The following CNTLN variants were observed in gnomAD, a reference collection of about 807,000 sequenced individuals.
CNTLN encodes centlein, also known as centlein, centrosomal protein.
CNTLN carries 212 observed loss-of-function variants against 180.0 expected under a neutral mutation model. That is an observed-to-expected ratio of 1.18 (90% CI 1.05 to 1.32). The LOEUF is 1.32. Ranked by LOEUF, CNTLN falls within the 40% of genes most tolerant of loss-of-function variation. The pLI is 0.00. For synonymous variants in CNTLN, 722 were observed against 563.1 expected (o/e 1.28, Z -3.99); for missense variants, 2,095 against 1,610.9 (o/e 1.30, Z -5.14).
chr9:17,205,992 T>C (rs571487744), intron 2 of CNTLN, among the ~76,000 whole-genome samples: 1 of 150,658 alleles, frequency 6.6e-6, no homozygotes, highest in East Asian at 2.0e-4. Context: ...ATAACCTGTC[T>C]GCTAGTAATA....
intron 2 of CNTLN, among the ~76,000 whole-genome samples, chr9:17,197,442 C>G (rs540980116): frequency 3.9e-5 from 6 of 152,064 alleles, no homozygotes; most frequent in Non-Finnish European, 8.8e-5. Context: ...TTCTAGGGTA[C>G]ATGTGCACAG....
chr9:17,375,365 G>A (rs1824671604), intron 13 of CNTLN, among the ~76,000 whole-genome samples: 1 of 152,074 alleles, frequency 6.6e-6, no homozygotes, highest in Non-Finnish European at 1.5e-5. Flanking sequence ...AGCATGACAG[G>A]GTGACTATTA....
chr9:17,259,831 T>G (rs1390295776), intron 5 of CNTLN, among the ~76,000 whole-genome samples: 4 of 142,048 alleles, frequency 2.8e-5, no homozygotes, highest in Non-Finnish European at 6.0e-5. Flanking sequence ...ATCCCCTTTA[T>G]CATTTTTTAT....
chr9:17,272,074 C>A, intron 5 of CNTLN, among the ~76,000 whole-genome samples: 1 of 129,406 alleles, frequency 7.7e-6, no homozygotes, highest in Non-Finnish European at 1.6e-5. Context: ...TCCTTTCTGT[C>A]CTTTCTTTCC....
chr9:17,416,403 A>G (rs564416379), intron 18 of CNTLN, among the ~76,000 whole-genome samples: 1 of 152,262 alleles, frequency 6.6e-6, no homozygotes, highest in South Asian at 2.1e-4. Context: ...GGAACTCTGA[A>G]TCTAAAAGAC....
intron 12 of CNTLN, among the ~76,000 whole-genome samples, chr9:17,365,109 A>T (rs780883437): frequency 2.0e-5 from 3 of 152,162 alleles, no homozygotes; most frequent in Non-Finnish European, 4.4e-5. Flanking sequence ...TCCCTGCCCA[A>T]ATTTCATGTC....
chr9:17,141,943 G>T (rs956496843), intron 1 of CNTLN, among the ~76,000 whole-genome samples: 2 of 151,948 alleles, frequency 1.3e-5, no homozygotes, highest in African/African-American at 4.8e-5. Context: ...TTAGCTGGGT[G>T]TGGTGGTGCG....
At chr9:17,425,361 T>C (rs1829008460) in intron 18 of CNTLN, among the ~76,000 whole-genome samples, 1 of 152,110 alleles carries the variant, frequency 6.6e-6, no homozygotes, top group South Asian at 2.1e-4. Context: ...CTCTCTTCCA[T>C]AATAGGACAC....
chr9:17,302,089 T>TACACACACATACACAC (rs1818400121), intron 7 of CNTLN: 1 of 824,398 alleles, frequency 1.2e-6, no homozygotes, highest in Admixed American at 6.5e-5. Context: ...CACATATGTG[T>TACACACACATACACAC]ACACACACAC....
chr9:17,246,216 T>C (rs1381072890), intron 5 of CNTLN, among the ~76,000 whole-genome samples: 71 of 152,176 alleles, frequency 4.7e-4, no homozygotes, highest in South Asian at 6.2e-4. Flanking sequence ...ACTTGGATGT[T>C]GTGATCTATG....
At chr9:17,268,361 A>C (rs933286656) in intron 5 of CNTLN, among the ~76,000 whole-genome samples, 1 of 152,044 alleles carries the variant, frequency 6.6e-6, no homozygotes, top group Non-Finnish European at 1.5e-5. Context: ...GATATTGGTG[A>C]CCCGCAAATG....
intron 12 of CNTLN, among the ~76,000 whole-genome samples, chr9:17,353,944 G>A (rs149493980): frequency 0.047 from 7,092 of 152,290 alleles, 215 homozygotes; most frequent in South Asian, 0.15. Context: ...AGGGAGAGGC[G>A]TGAGCGGGAA....
chr9:17,453,334 T>C (rs1830905620), intron 18 of CNTLN, among the ~76,000 whole-genome samples: 1 of 152,032 alleles, frequency 6.6e-6, no homozygotes, highest in Non-Finnish European at 1.5e-5. Flanking sequence ...GGACAGTTTG[T>C]AAAGCAATTG....
intron 3 of CNTLN, among the ~76,000 whole-genome samples, chr9:17,233,786 A>G (rs1217868492): frequency 6.6e-6 from 1 of 152,204 alleles, no homozygotes; most frequent in Non-Finnish European, 1.5e-5. Context: ...ATAGCAAGCT[A>G]TGTAATATGT....
At chr9:17,365,149 G>T (rs1026589018) in intron 12 of CNTLN, among the ~76,000 whole-genome samples, 1 of 152,160 alleles carries the variant, frequency 6.6e-6, no homozygotes, top group African/African-American at 2.4e-5. Flanking sequence ...TGAAGGAGGG[G>T]TCTGGTGAGA....
intron 13 of CNTLN, among the ~76,000 whole-genome samples, chr9:17,380,768 TGG>T (rs1002980324): frequency 3.3e-5 from 5 of 152,094 alleles, no homozygotes; most frequent in African/African-American, 1.2e-4. Flanking sequence ...AACAAGCAGA[TGG>T]GGAAACTCAT....
chr9:17,202,355 T>C (rs1171749821), intron 2 of CNTLN, among the ~76,000 whole-genome samples: 2 of 152,184 alleles, frequency 1.3e-5, no homozygotes, highest in Admixed American at 1.3e-4. Context: ...TAGTTCCCCT[T>C]GGTCCAGAGC....
At chr9:17,191,405 A>G (rs1821780045) in intron 2 of CNTLN, among the ~76,000 whole-genome samples, 1 of 152,190 alleles carries the variant, frequency 6.6e-6, no homozygotes, top group Non-Finnish European at 1.5e-5. Context: ...GTTTCTTTCA[A>G]ACCCTTAGAA....
the CNTLN span, among the ~76,000 whole-genome samples, chr9:17,511,552 G>C: frequency 6.6e-6 from 1 of 151,936 alleles, no homozygotes; most frequent in African/African-American, 2.4e-5. Flanking sequence ...TTGGACTTAG[G>C]GCTTCCTTGC....
Sources: allele counts gnomAD v4.1 joint callset (sites outside exome capture counted in the v4.1 genomes callset), GRCh38; gene constraint gnomAD v4.1.1; transcripts MANE v1.5; gene names NCBI Gene and HGNC (gene_info 2026-07-23, HGNC 2026-07-21).